Variants in GET1 observed in about 807,000 individuals in gnomAD.
GET1 encodes guided entry of tail-anchored proteins factor 1, also known as congenital heart disease 5 protein.
GET1 carries 20 observed loss-of-function variants against 22.6 expected under a neutral mutation model. The ratio of observed to expected loss-of-function variants is 0.89; its 90% CI spans 0.62 to 1.29. The LOEUF is 1.29. Ranked by LOEUF, GET1 falls within the 50% of genes most tolerant of loss-of-function variation. The pLI, the probability that GET1 is intolerant of heterozygous loss-of-function variation, is 0.00. For synonymous variants in GET1, 92 were observed against 83.8 expected, an observed-to-expected ratio of 1.10 and a Z score of -0.53; for missense variants, 209 against 219.9, an observed-to-expected ratio of 0.95 and a Z score of 0.31.
intron 1 of GET1, among the ~76,000 whole-genome samples, chr21:39,417,800 C>G (rs2041503412): frequency 6.6e-6 from 1 of 152,088 alleles, no homozygotes; most frequent in South Asian, 2.1e-4. Flanking sequence ...GAGTCTCGCT[C>G]TGTCGCCCAG....
intron 2 of GET1, 53 bp from the exon 3 acceptor site, chr21:39,391,716 T>A: frequency 6.5e-7 from 1 of 1,534,734 alleles, no homozygotes; most frequent in Non-Finnish European, 9.0e-7. Flanking sequence ...TATTTGAATA[T>A]TTTGTTAATT....
downstream of GET1, among the ~76,000 whole-genome samples, chr21:39,402,155 G>A (rs1301054906): frequency 6.6e-6 from 1 of 152,250 alleles, no homozygotes; most frequent in East Asian, 1.9e-4. Flanking sequence ...CCAGGCTGGA[G>A]TGCAGTGGCA....
Position 39,411,695 on chromosome 21 carries a change from G to T in GET1, c.*23+758G>T. 5 of 1,224,268 alleles carry T rather than the reference G, an allele frequency of 4.1e-6. No individual in the cohort carries two copies. The South Asian group carries it at 4.7e-5, about 12-fold the overall frequency. The allele number at this position is 1,224,268 out of a possible 1,614,324, so 75.8% of individuals were successfully genotyped here. A position where few individuals can be genotyped will look rare whatever the true frequency, so the allele number is the denominator to read the frequency against. On this transcript the variant is annotated intron_variant, in intron 1 of 1. Transcript: ENST00000478273. ...GACTAGATACTTAAAAATAGATTTTGAGCAAAAGTAATTAAAACATACCTT... is the reference window on the plus strand; with the variant it reads ...GACTAGATACTTAAAAATAGATTTTTAGCAAAAGTAATTAAAACATACCTT...
At chr21:39,387,651 A>T (rs1481011043) in intron 1 of GET1, 5 of 355,146 alleles carry the variant, frequency 1.4e-5, no homozygotes, top group African/African-American at 8.9e-5. Context: ...CACGCTGCGC[A>T]TGAGCCCCTA....
chr21:39,414,732 C>CTGTGTG (rs1464601997), intron 1 of GET1, among the ~76,000 whole-genome samples: 8 of 110,496 alleles, frequency 7.2e-5, no homozygotes, highest in African/African-American at 2.3e-4. Flanking sequence ...CTCTCTCTCT[C>CTGTGTG]TCTCTCTCTC....
intron 4 of GET1, among the ~76,000 whole-genome samples, chr21:39,405,389 G>C (rs938432732): frequency 2.0e-5 from 3 of 148,292 alleles, no homozygotes; most frequent in Non-Finnish European, 4.5e-5. Flanking sequence ...AGACGGGGTT[G>C]TACCATGTTG....
chr21:39,425,387 T>C (rs1252810117), intron 1 of GET1, among the ~76,000 whole-genome samples: 1 of 152,222 alleles, frequency 6.6e-6, no homozygotes, highest in Non-Finnish European at 1.5e-5. Context: ...AAAGAACTCA[T>C]AGATTATACA....
chr21:39,391,085 T>C, intron 2 of GET1: 1 of 399,866 alleles, frequency 2.5e-6, no homozygotes, highest in South Asian at 5.7e-5. Context: ...CTCTCAGATT[T>C]TCCTCAGAGC....
intron 1 of GET1, among the ~76,000 whole-genome samples, chr21:39,385,372 C>T (rs1220723708): frequency 6.6e-6 from 1 of 152,130 alleles, no homozygotes; most frequent in African/African-American, 2.4e-5. Flanking sequence ...CCAGTTAAGC[C>T]TAGCAAGGTC....
rs536651336 is a variant in GET1 at position 39,412,785 on chromosome 21, C to T, written c.*23+1848C>T. 9.9e-4 allele frequency among the ~76,000 whole-genome samples: 151 copies of T among 152,302 alleles called. 6 individuals are homozygous for T. The South Asian group carries it at 0.027, about 27-fold the overall frequency. On this transcript the variant is annotated intron_variant, in intron 1 of 1. Coordinates refer to the GET1 transcript ENST00000478273. ...GGAAAATTGCAAGCCCCTTAAAAAGCGCCTCCCCCGCCGCCCCATTCATCA... is the reference window on the plus strand; with the variant it reads ...GGAAAATTGCAAGCCCCTTAAAAAGTGCCTCCCCCGCCGCCCCATTCATCA...
At chr21:39,422,901 G>T in intron 1 of GET1, 5 of 1,307,878 alleles carry the variant, frequency 3.8e-6, no homozygotes, top group Non-Finnish European at 5.4e-6. Context: ...CAGAGGGGGC[G>T]CATCCATGAT....
chr21:39,406,944 T>C (rs1424215433), downstream of GET1, among the ~76,000 whole-genome samples: 1 of 152,170 alleles, frequency 6.6e-6, no homozygotes, highest in African/African-American at 2.4e-5. Flanking sequence ...GAAACAATGA[T>C]GGCTGGGTGC....
intron 1 of GET1, among the ~76,000 whole-genome samples, chr21:39,388,769 C>T (rs2038094854): frequency 6.6e-6 from 1 of 152,206 alleles, no homozygotes; most frequent in South Asian, 2.1e-4. Flanking sequence ...TCACTGCCGA[C>T]TCCTCCGTTG....
At chr21:39,391,397 G>T (rs935820542) in intron 2 of GET1, 3 of 278,682 alleles carry the variant, frequency 1.1e-5, no homozygotes, top group African/African-American at 4.7e-5. Flanking sequence ...GCCTGTCCAG[G>T]CCCAGGACAA....
chr21:39,390,846 A>T lies in GET1; in HGVS notation c.251A>T (p.Asp84Val), dbSNP rs1298212689. ...RLERKINKMT[D>V]KLKTHVKART... ...GAAAGAAAGATCAACAAGATGACGG[A>T]TAAGCTCAAAACCCATGGTACTGTG... The change falls in exon 2 of 5, where the codon GAT (aspartate) becomes GTT (valine). Residue 84 changes from aspartate (D) to valine (V), a missense_variant. Asp to Val is a radical substitution (Grantham distance 152). Transcript: ENST00000649170. The T allele has an allele frequency of 1.9e-6, 3 of 1,614,194 alleles. No individual in the cohort carries two copies. Among genetic ancestry groups the T allele is most frequent in the Non-Finnish European group, 2.5e-6 (3 of 1,180,028 alleles).
intron 4 of GET1, chr21:39,405,889 ATTAT>A (rs1284913740): frequency 1.9e-6 from 3 of 1,573,692 alleles, no homozygotes; most frequent in Non-Finnish European, 2.6e-6. Flanking sequence ...TATTTAAATA[ATTAT>A]TTTTCTTTTT....
intron 1 of GET1, among the ~76,000 whole-genome samples, chr21:39,425,418 C>G (rs950717323): frequency 6.6e-6 from 1 of 152,212 alleles, no homozygotes; most frequent in African/African-American, 2.4e-5. Context: ...ACATCAATAA[C>G]TGGTGGCCTG....
chr21:39,413,196 G>A (rs916877559), intron 1 of GET1, among the ~76,000 whole-genome samples: 1 of 152,210 alleles, frequency 6.6e-6, no homozygotes, highest in Non-Finnish European at 1.5e-5. Context: ...CTAGAGAGGG[G>A]CCAGAGGGCA....
At chr21:39,389,187 G>C (rs2038132639) in intron 1 of GET1, among the ~76,000 whole-genome samples, 1 of 152,046 alleles carries the variant, frequency 6.6e-6, no homozygotes, top group African/African-American at 2.4e-5. Flanking sequence ...GCCAAGGCTG[G>C]TCTTGAACTC....
Sources: gnomAD v4.1 joint callset for allele counts (sites outside exome capture counted in the v4.1 genomes callset) on GRCh38, gnomAD v4.1.1 for gene constraint, MANE v1.5 for transcripts, NCBI Gene and HGNC (gene_info 2026-07-23, HGNC 2026-07-21) for gene names.